Variants in ANKRD42 observed in about 807,000 individuals in gnomAD.
The protein encoded by ANKRD42 is ankyrin repeat domain-containing protein 42.
ANKRD42 carries 43 observed loss-of-function variants against 51.5 expected under a neutral mutation model. The ratio of observed to expected loss-of-function variants is 0.83; its 90% CI spans 0.65 to 1.08. The LOEUF (loss-of-function observed/expected upper bound fraction) is 1.08. ANKRD42 is among the 50% of genes least tolerant of loss of function. The pLI is 0.00. For synonymous variants in ANKRD42, 203 were observed against 213.0 expected (o/e 0.95, Z 0.41); for missense variants, 608 against 629.3 (o/e 0.97, Z 0.36).
At chr11:83,196,879 A>G (rs903001954) in intron 1 of ANKRD42, among the ~76,000 whole-genome samples, 1 of 152,212 alleles carries the variant, frequency 6.6e-6, no homozygotes, top group African/African-American at 2.4e-5. Context: ...TGTTTTGTAG[A>G]GTAGCAGTGA....
Position 83,194,590 on chromosome 11 carries a change from T to C in ANKRD42, c.-81T>C, listed in dbSNP as rs1861552595. ...AGAGGGCCGCTGCCGCTGCAGTGGC[T>C]CGTGGGTGAGAGCAAGTGAAGACCG... is the stretch of plus-strand genomic sequence containing the variant. On this transcript the variant is annotated 5_prime_UTR_variant, in exon 1 of 11. Coordinates refer to ENST00000533342, the MANE Select transcript of ANKRD42 (RefSeq NM_001300975.2). 1 of 1,413,948 alleles carries C rather than the reference T, an allele frequency of 7.1e-7. No individual in the cohort carries two copies. Among genetic ancestry groups the C allele is most frequent in the East Asian group, 2.4e-5 (1 of 42,042 alleles). The allele number at this position is 1,413,948 out of a possible 1,614,324, so 87.6% of individuals were successfully genotyped here.
At chr11:83,237,555 G>C (rs1283510782) in intron 8 of ANKRD42, among the ~76,000 whole-genome samples, 1 of 152,170 alleles carries the variant, frequency 6.6e-6, no homozygotes, top group African/African-American at 2.4e-5. Flanking sequence ...TTGACAGTAT[G>C]CTCTGGTCCA....
Position 83,213,525 on chromosome 11 carries a change from A to G in ANKRD42, c.586+2095A>G. The G allele has an allele frequency of 2.3e-6, 3 of 1,293,390 alleles. No individual in the cohort carries two copies. In the South Asian group the frequency reaches 5.2e-5, roughly 22 times the overall value. The allele number at this position is 1,293,390 out of a possible 1,614,324, so 80.1% of individuals were successfully genotyped here. Reference sequence around the variant, plus strand: ...CCTTCGCTTTTTCAGACTGCTTTCAATTTCCATTTTCACATATGGTATTAT... The same window carrying G: ...CCTTCGCTTTTTCAGACTGCTTTCAGTTTCCATTTTCACATATGGTATTAT... On this transcript the variant is annotated intron_variant, in intron 5 of 10. Coordinates refer to ENST00000533342, the MANE Select transcript of ANKRD42 (RefSeq NM_001300975.2).
chr11:83,215,507 T>G (rs997862456), intron 5 of ANKRD42, among the ~76,000 whole-genome samples: 1 of 152,194 alleles, frequency 6.6e-6, no homozygotes, highest in African/African-American at 2.4e-5. Context: ...CTGGTTGTTT[T>G]GTAACTCCTA....
chr11:83,255,562 G>A (rs189699250), intron 11 of ANKRD42, among the ~76,000 whole-genome samples: 2 of 152,240 alleles, frequency 1.3e-5, no homozygotes, highest in African/African-American at 4.8e-5. Flanking sequence ...AGATAAGACG[G>A]AAAATTGGCT....
At chr11:83,260,134 G>A (rs1863860938), downstream of ANKRD42, 1 of 152,162 alleles carries the variant, frequency 6.6e-6, no homozygotes, top group African/African-American at 2.4e-5. Flanking sequence ...TTATGCTACT[G>A]GAGCTTCCTT....
At position 83,198,562 on chromosome 11, in the gene ANKRD42, C is replaced by T. The variant is rs190623446; in HGVS notation, c.142C>T (p.Arg48Cys). ...AAAGCAGCTTTCAGAAATAGTGGTA[C>T]GTGGAGCCAGCATTAATGAACTTGA... ...DVKQLSEIVV[R>C]GASINELDVL... Residue 48 changes from arginine to cysteine, a missense_variant, in exon 2 of 11, where the codon CGT becomes TGT. Coordinates refer to ENST00000533342, the MANE Select transcript of ANKRD42 (RefSeq NM_001300975.2). 7.8e-5 allele frequency: 126 copies of T among 1,613,714 alleles called. 1 individual carries two copies. The highest frequency in any genetic ancestry group is 7.8e-4 in the East Asian group (35 of 44,866).
chr11:83,200,126 C>G (rs1861811904), intron 2 of ANKRD42, among the ~76,000 whole-genome samples: 1 of 151,998 alleles, frequency 6.6e-6, no homozygotes, highest in African/African-American at 2.4e-5. Flanking sequence ...GGGGGAAGTA[C>G]TGATTTTACT....
chr11:83,257,728 A>G (rs192953512), downstream of ANKRD42, among the ~76,000 whole-genome samples: 2 of 152,318 alleles, frequency 1.3e-5, no homozygotes, highest in South Asian at 2.1e-4. Flanking sequence ...AGTTAATCCC[A>G]ACCCTGGAAA....
At chr11:83,217,155 ATAG>A (rs1175987662) in intron 5 of ANKRD42, among the ~76,000 whole-genome samples, 7 of 152,204 alleles carry the variant, frequency 4.6e-5, no homozygotes, top group South Asian at 2.1e-4. Flanking sequence ...AAGGCAAGTA[ATAG>A]TAGGATGGCT....
chr11:83,256,697 T>C (rs141489803), downstream of ANKRD42, among the ~76,000 whole-genome samples: 1 of 152,350 alleles, frequency 6.6e-6, no homozygotes, highest in East Asian at 1.9e-4. Context: ...TTCCATAGAC[T>C]GCCCACCCTT....
intron 10 of ANKRD42, among the ~76,000 whole-genome samples, chr11:83,246,577 T>A (rs1863548986): frequency 6.6e-6 from 1 of 152,192 alleles, no homozygotes; most frequent in African/African-American, 2.4e-5. Flanking sequence ...AGAGGGAACT[T>A]TGGATTTAAT....
intron 2 of ANKRD42, among the ~76,000 whole-genome samples, chr11:83,201,508 C>T (rs926797840): frequency 6.6e-6 from 1 of 151,972 alleles, no homozygotes; most frequent in Non-Finnish European, 1.5e-5. Context: ...GGGCATATAC[C>T]CAGTAATATA....
intron 10 of ANKRD42, among the ~76,000 whole-genome samples, chr11:83,246,450 C>G (rs1405110497): frequency 6.6e-6 from 1 of 152,170 alleles, no homozygotes; most frequent in Non-Finnish European, 1.5e-5. Context: ...TACTGAGAGA[C>G]TACTGTAGTT....
chr11:83,249,168 T>C (rs553521629), downstream of ANKRD42, among the ~76,000 whole-genome samples: 1 of 152,306 alleles, frequency 6.6e-6, no homozygotes. Flanking sequence ...ACTCCCAGTC[T>C]CCTCAAAAGT....
chr11:83,248,829 A>G lies in ANKRD42; in HGVS notation c.*625A>G. On this transcript the variant is annotated 3_prime_UTR_variant, in exon 11 of 11. Transcript: ENST00000533342. ...TATTGTTAACAATTTAGTACATACC[A>G]TATTAGACAAAATTCTATTTATCTG... 1.0e-6 allele frequency: 1 copy of G among 979,902 alleles called. No individual in the cohort carries two copies. The highest frequency in any genetic ancestry group is 5.2e-4 in the Middle Eastern group (1 of 1,910). 60.7% of individuals were successfully genotyped at this position (979,902 alleles called of 1,614,324 possible).
At chr11:83,253,399 G>T (rs1269835779), downstream of ANKRD42, among the ~76,000 whole-genome samples, 1 of 152,224 alleles carries the variant, frequency 6.6e-6, no homozygotes, top group African/African-American at 2.4e-5. Context: ...ATTTCTCAGA[G>T]TGCATAGGCT....
chr11:83,204,189 T>A (rs1861981727), intron 2 of ANKRD42, among the ~76,000 whole-genome samples: 1 of 152,164 alleles, frequency 6.6e-6, no homozygotes, highest in African/African-American at 2.4e-5. Context: ...ATGATCCACC[T>A]GCCACAGCCT....
downstream of ANKRD42, chr11:83,261,543 A>G (rs1863926153): frequency 6.2e-6 from 1 of 160,974 alleles, no homozygotes; most frequent in African/African-American, 2.4e-5. Context: ...TATGTAGGCT[A>G]GGGAATGGTT....
Sources: allele counts gnomAD v4.1 joint callset (sites outside exome capture counted in the v4.1 genomes callset), GRCh38; gene constraint gnomAD v4.1.1; transcripts MANE v1.5; gene names NCBI Gene and HGNC (gene_info 2026-07-23, HGNC 2026-07-21).